Variants in CTF1 observed in about 807,000 individuals in gnomAD.
The protein encoded by CTF1 is cardiotrophin 1.
CTF1 carries 9 observed loss-of-function variants against 10.9 expected under a neutral mutation model. That is an observed-to-expected ratio of 0.83 (90% confidence interval 0.50 to 1.44). The LOEUF is 1.44. Among genes scored for constraint, CTF1 ranks in the 40% most tolerant of loss-of-function variants. The pLI is 0.00. For missense variants in CTF1, 259 were observed against 275.3 expected, an observed-to-expected ratio of 0.94 and a Z score of 0.42; for synonymous variants, 133 against 138.8, an observed-to-expected ratio of 0.96 and a Z score of 0.29.
intron 2 of CTF1, 128 bp downstream of exon 2, chr16:30,899,661 A>C: frequency 1.6e-6 from 1 of 642,472 alleles, no homozygotes; most frequent in Admixed American, 2.9e-5. Context: ...TGAGAGGGAC[A>C]GCAACTTGCC....
intron 2 of CTF1, 31 bp from the exon 3 acceptor site, chr16:30,902,047 C>T (rs1176890490): frequency 7.0e-7 from 1 of 1,435,642 alleles, no homozygotes; most frequent in South Asian, 1.3e-5. Context: ...TGCTCCGGGG[C>T]CCCGCTGACC....
At chr16:30,900,599 TAAAAA>T (rs1400272612) in intron 2 of CTF1, among the ~76,000 whole-genome samples, 1 of 151,528 alleles carries the variant, frequency 6.6e-6, no homozygotes, top group Non-Finnish European at 1.5e-5. Flanking sequence ...CCTCATCTCT[TAAAAA>T]AGAAAAGAAT....
Position 30,902,371 on chromosome 16 carries a change from C to A in CTF1, c.438C>A (p.Ala146=). The part of the protein sequence containing the change: ...VEALLAALGA[A]NRGPRAEPPA... ...CCTTGCTGGCCGCGCTGGGCGCCGCCAACCGCGGGCCCCGGGCCGAGCCCC... is the reference window on the plus strand; with the variant it reads ...CCTTGCTGGCCGCGCTGGGCGCCGCAAACCGCGGGCCCCGGGCCGAGCCCC... The change falls in exon 3 of 3, where the codon GCC becomes GCA. Residue 146 remains alanine, a synonymous_variant. Transcript: ENST00000279804. 1 of 1,191,618 alleles carries A rather than the reference C, an allele frequency of 8.4e-7. No individual in the cohort carries two copies. The highest frequency in any genetic ancestry group is 1.0e-6 in the Non-Finnish European group (1 of 964,828). 73.8% of individuals were successfully genotyped at this position (1,191,618 alleles called of 1,614,324 possible).
At chr16:30,897,850 G>GTCTC (rs750667288) in intron 1 of CTF1, among the ~76,000 whole-genome samples, 2 of 150,308 alleles carry the variant, frequency 1.3e-5, no homozygotes, top group Non-Finnish European at 1.5e-5. Context: ...GCAAGACTCC[G>GTCTC]TCTCTCTCTC....
chr16:30,896,769 G>T, intron 1 of CTF1, 101 bp downstream of exon 1: 2 of 1,118,450 alleles, frequency 1.8e-6, no homozygotes, highest in African/African-American at 1.6e-5. Context: ...GGGTCCGGGA[G>T]GGGAGCGGCC....
At position 30,902,660 on chromosome 16, in the gene CTF1, G is replaced by T; in HGVS notation, c.*121G>T. On this transcript the variant is annotated 3_prime_UTR_variant, in exon 3 of 3. Transcript: ENST00000279804. ...TGCTCTTAGCTGTCTCCATTGCCTC[G>T]GCCTTCTTTGCTTTTTGTGGGGGAG... The T allele has an allele frequency of 7.7e-7, 1 of 1,300,456 alleles. No individual in the cohort carries two copies. The highest frequency in any genetic ancestry group is 9.8e-7 in the Non-Finnish European group (1 of 1,015,266). 80.6% of individuals were successfully genotyped at this position (1,300,456 alleles called of 1,614,324 possible).
intron 1 of CTF1, among the ~76,000 whole-genome samples, chr16:30,897,769 C>T (rs946637370): frequency 3.3e-5 from 5 of 152,116 alleles, no homozygotes; most frequent in Non-Finnish European, 5.9e-5. Flanking sequence ...GCGGGAGGAT[C>T]GCTTGAGCCC....
At position 30,899,538 on chromosome 16, in the gene CTF1, G is replaced by A; in HGVS notation, c.144+5G>A. The A allele has an allele frequency of 6.6e-7, 1 of 1,509,270 alleles. No homozygotes were observed. The highest frequency in any genetic ancestry group is 9.2e-7 in the Non-Finnish European group (1 of 1,089,680). 93.5% of individuals were successfully genotyped at this position (1,509,270 alleles called of 1,614,324 possible). A position where few individuals can be genotyped will look rare whatever the true frequency, so the allele number is the denominator to read the frequency against. On this transcript the variant is annotated splice_donor_5th_base_variant and intron_variant, in intron 2 of 2. Transcript: ENST00000279804. ...GAGCAGCTGCTCCAGGAATATGTGA[G>A]TGGGAATGGGGGTGGGGGTGCCGGG...
At chr16:30,896,734 G>C (rs1194287020) in intron 1 of CTF1, 66 bp downstream of exon 1, 2 of 1,237,878 alleles carry the variant, frequency 1.6e-6, no homozygotes, top group African/African-American at 3.1e-5. Context: ...ATTGGGAGCT[G>C]GGGGTCTGGG....
intron 2 of CTF1, among the ~76,000 whole-genome samples, chr16:30,900,552 T>C (rs529475309): frequency 6.6e-6 from 1 of 152,136 alleles, no homozygotes; most frequent in South Asian, 2.1e-4. Flanking sequence ...TTGCTTGAGC[T>C]CGGGAGTTCG....
rs118151917 is a variant in CTF1 at position 30,901,874 on chromosome 16, G to C, written c.145-204G>C. On this transcript the variant is annotated intron_variant, in intron 2 of 2. Transcript: ENST00000279804. ...GCTGACCTAAACTGGCCCAGTCTGGGTCCAGTTTAGGGAGGAAGAAACAGG... is the reference window on the plus strand; with the variant it reads ...GCTGACCTAAACTGGCCCAGTCTGGCTCCAGTTTAGGGAGGAAGAAACAGG... Among the ~76,000 whole-genome samples the C allele has an allele frequency of 0.01, 1,548 of 151,892 alleles. 16 individuals are homozygous for C. The highest frequency in any genetic ancestry group is 0.02 in the Middle Eastern group (6 of 294).
intron 2 of CTF1, among the ~76,000 whole-genome samples, chr16:30,900,948 C>T (rs1943701723): frequency 6.7e-6 from 1 of 150,098 alleles, no homozygotes; most frequent in Non-Finnish European, 1.5e-5. Context: ...GGTTGGAGTG[C>T]AATGGTGCGA....
upstream of CTF1, chr16:30,896,600 C>T: frequency 1.6e-6 from 2 of 1,253,262 alleles, no homozygotes; most frequent in Non-Finnish European, 1.0e-6. Flanking sequence ...TCTCCCCCCT[C>T]GAAAGGGGGG....
chr16:30,902,576 G>A lies in CTF1; in HGVS notation c.*37G>A. The A allele has an allele frequency of 1.3e-6, 2 of 1,486,464 alleles. No individual in the cohort carries two copies. The highest frequency in any genetic ancestry group is 1.8e-6 in the Non-Finnish European group (2 of 1,120,924). 92.1% of individuals were successfully genotyped at this position (1,486,464 alleles called of 1,614,324 possible). A position where few individuals can be genotyped will look rare whatever the true frequency, so the allele number is the denominator to read the frequency against. ...CAGCTCGCCCCGCCTCCTCCCGCTGGGTTCCGTCTCTCCTTCCGCTTCTTT... is the reference window on the plus strand; with the variant it reads ...CAGCTCGCCCCGCCTCCTCCCGCTGAGTTCCGTCTCTCCTTCCGCTTCTTT... On this transcript the variant is annotated 3_prime_UTR_variant, in exon 3 of 3. Coordinates refer to ENST00000279804, the MANE Select transcript of CTF1 (RefSeq NM_001330.5).
intron 1 of CTF1, among the ~76,000 whole-genome samples, chr16:30,897,190 G>A (rs1206161877): frequency 1.3e-5 from 2 of 152,188 alleles, no homozygotes; most frequent in African/African-American, 2.4e-5. Context: ...CGCGCTGTGC[G>A]TTTCGGGAAA....
Position 30,902,885 on chromosome 16 carries a change from C to A in CTF1, c.*346C>A. The stretch of plus-strand genomic sequence containing the variant: ...AGAGACGAGGTTTCGCCATGTTGCC[C>A]AGGCTGGTCTTGAACTCCGGGGCTC... On this transcript the variant is annotated 3_prime_UTR_variant, in exon 3 of 3. Transcript: ENST00000279804. 5.7e-6 allele frequency: 1 copy of A among 176,422 alleles called. No homozygotes were observed. The highest frequency in any genetic ancestry group is 1.2e-5 in the Non-Finnish European group (1 of 82,586). 10.9% of individuals were successfully genotyped at this position (176,422 alleles called of 1,614,324 possible). A position where few individuals can be genotyped will look rare whatever the true frequency, so the allele number is the denominator to read the frequency against.
intron 1 of CTF1, 72 bp downstream of exon 1, chr16:30,896,740 C>A (rs867785082): frequency 3.3e-6 from 4 of 1,227,396 alleles, no homozygotes; most frequent in Middle Eastern, 6.0e-4. Flanking sequence ...AGCTGGGGGT[C>A]TGGGTTTCCG....
Position 30,902,545 on chromosome 16 carries a change from G to A in CTF1, c.*6G>A. 1 of 1,498,642 alleles carries A rather than the reference G, an allele frequency of 6.7e-7. No homozygotes were observed. The highest frequency in any genetic ancestry group is 8.9e-7 in the Non-Finnish European group (1 of 1,128,528). 92.8% of individuals were successfully genotyped at this position (1,498,642 alleles called of 1,614,324 possible). The stretch of plus-strand genomic sequence containing the variant: ...TGCCCGGGGGCTCGGCCTGAGCGCC[G>A]CGGGGCAGCTCGCCCCGCCTCCTCC... On this transcript the variant is annotated 3_prime_UTR_variant, in exon 3 of 3. Transcript: ENST00000279804.
In CTF1 at chr16:30,902,954, G is replaced by GGC. The variant is rs2055420171; in HGVS notation, c.*417_*418dup. On this transcript the variant is annotated 3_prime_UTR_variant, in exon 3 of 3. Transcript: ENST00000279804. ...AGCCTCCCTAAGTGCTGGGATTGCA[G>GGC]GCGTGAGCCACTTTCCCAGCCTCTC... 1 of 156,496 alleles carries GGC rather than the reference G, an allele frequency of 6.4e-6. No individual in the cohort carries two copies. Among genetic ancestry groups the GGC allele is most frequent in the African/African-American group, 2.4e-5 (1 of 41,544 alleles). The allele number at this position is 156,496 out of a possible 1,614,324, so 9.7% of individuals were successfully genotyped here.
Sources: allele counts gnomAD v4.1 joint callset (sites outside exome capture counted in the v4.1 genomes callset), GRCh38; gene constraint gnomAD v4.1.1; transcripts MANE v1.5; gene names NCBI Gene and HGNC (gene_info 2026-07-23, HGNC 2026-07-21).